The following RABGAP1L variants were observed in gnomAD, a reference collection of about 807,000 sequenced individuals.
The protein encoded by RABGAP1L is RAB GTPase activating protein 1 like.
In RABGAP1L, 63 loss-of-function variants were observed where a neutral mutation model predicts 137.7. The ratio of observed to expected loss-of-function variants is 0.46; its 90% CI spans 0.37 to 0.56. The LOEUF (loss-of-function observed/expected upper bound fraction) is 0.56. RABGAP1L is among the 20% of genes least tolerant of loss of function. The pLI, the probability that RABGAP1L is intolerant of heterozygous loss-of-function variation, is 0.00. For synonymous variants in RABGAP1L, 431 were observed against 433.7 expected (o/e 0.99, Z 0.08); for missense variants, 1,095 against 1,244.0 (o/e 0.88, Z 1.80).
intron 13 of RABGAP1L, among the ~76,000 whole-genome samples, chr1:174,432,689 C>T (rs1447070228): frequency 6.6e-6 from 1 of 152,164 alleles, no homozygotes; most frequent in Non-Finnish European, 1.5e-5. Flanking sequence ...AAGCGTGCGC[C>T]TCCATGCCCA....
At chr1:174,620,772 T>C (rs550921015) in intron 13 of RABGAP1L, among the ~76,000 whole-genome samples, 1 of 151,384 alleles carries the variant, frequency 6.6e-6, no homozygotes, top group Admixed American at 6.6e-5. Context: ...GAAGGCAAAA[T>C]ATAACTAAGA....
rs186984935 is a variant in RABGAP1L at position 174,832,583 on chromosome 1, C to T, written c.2340+20623C>T. On this transcript the variant is annotated intron_variant, in intron 19 of 25. Transcript: ENST00000681986. ...GGAACTAAGTGCTATGAGCATGTTG[C>T]AAAAGGAGATCACAGACCCAGTTCA... is the stretch of plus-strand genomic sequence containing the variant. 4.9e-4 allele frequency among the ~76,000 whole-genome samples: 73 copies of T among 147,946 alleles called. 5 individuals are homozygous for T. Among genetic ancestry groups the T allele is most frequent in the Admixed American group, 1.3e-3 (19 of 14,832 alleles).
chr1:174,522,194 A>G (rs1464541238), intron 13 of RABGAP1L, among the ~76,000 whole-genome samples: 1 of 152,178 alleles, frequency 6.6e-6, no homozygotes, highest in African/African-American at 2.4e-5. Context: ...TATTCTGTAG[A>G]GGGTAAAATA....
chr1:174,159,865 CT>C (rs1664274887), intron 1 of RABGAP1L: 2 of 152,284 alleles, frequency 1.3e-5, no homozygotes, highest in Admixed American at 6.5e-5. Flanking sequence ...CACCGCAGTT[CT>C]CCCAGGTGGC....
chr1:174,651,040 G>A (rs1394034240), intron 14 of RABGAP1L, among the ~76,000 whole-genome samples: 1 of 151,192 alleles, frequency 6.6e-6, no homozygotes, highest in Admixed American at 6.6e-5. Context: ...TTGTGTCTTT[G>A]TTCTCGTTGG....
chr1:174,919,133 C>T (rs1459193490), intron 19 of RABGAP1L, among the ~76,000 whole-genome samples: 1 of 152,098 alleles, frequency 6.6e-6, no homozygotes, highest in Non-Finnish European at 1.5e-5. Context: ...ATTCTCCCGC[C>T]TCAGCCTTCC....
intron 19 of RABGAP1L, among the ~76,000 whole-genome samples, chr1:174,925,838 G>T: frequency 7.4e-6 from 1 of 135,098 alleles, no homozygotes. Context: ...TTGTTATTTT[G>T]GTTTTTTGGG....
intron 15 of RABGAP1L, among the ~76,000 whole-genome samples, chr1:174,697,807 C>T (rs932476210): frequency 1.3e-5 from 2 of 152,054 alleles, no homozygotes; most frequent in African/African-American, 4.8e-5. Flanking sequence ...AATAACCAAA[C>T]GGAAGCTGAA....
intron 18 of RABGAP1L, among the ~76,000 whole-genome samples, chr1:174,792,241 T>C (rs1687914663): frequency 6.6e-6 from 1 of 152,212 alleles, no homozygotes; most frequent in Admixed American, 6.5e-5. Flanking sequence ...TTCATTACTT[T>C]ATTATTCTGT....
At chr1:174,636,749 T>G (rs1337305267) in intron 13 of RABGAP1L, among the ~76,000 whole-genome samples, 1 of 152,184 alleles carries the variant, frequency 6.6e-6, no homozygotes, top group Admixed American at 6.5e-5. Flanking sequence ...GGAGTATGTA[T>G]TGGAATGACA....
chr1:174,189,495 T>C (rs1370051467), intron 1 of RABGAP1L, among the ~76,000 whole-genome samples: 1 of 152,242 alleles, frequency 6.6e-6, no homozygotes, highest in Non-Finnish European at 1.5e-5. Context: ...ACCTCGCTTA[T>C]CGTTTGAATA....
At chr1:174,657,589 C>T (rs1676055468) in intron 14 of RABGAP1L, among the ~76,000 whole-genome samples, 1 of 152,010 alleles carries the variant, frequency 6.6e-6, no homozygotes. Flanking sequence ...TTTTTTGTGG[C>T]TTAAAGTATT....
intron 17 of RABGAP1L, among the ~76,000 whole-genome samples, chr1:174,710,942 C>T (rs568247460): frequency 3.3e-5 from 5 of 152,338 alleles, no homozygotes; most frequent in East Asian, 3.9e-4. Flanking sequence ...CGGGGAGGCT[C>T]AGGCTGCGCA....
In RABGAP1L at chr1:174,394,061, A is replaced by T; in HGVS notation, c.1626A>T (p.Ala542=). ...TGGTGAAGAGTGGTGTCCCTGAAGC[A>T]TTGAGGGCAGAGGTATGGCAGTTAT... is the stretch of plus-strand genomic sequence containing the variant. ...STLVKSGVPE[A]LRAEVWQLLA... The change falls in exon 13 of 26, where the codon GCA becomes GCT. Residue 542 remains alanine (A), a synonymous_variant. Coordinates refer to ENST00000681986, the MANE Select transcript of RABGAP1L (RefSeq NM_001366446.1). 1 of 1,613,880 alleles carries T rather than the reference A, an allele frequency of 6.2e-7. No individual in the cohort carries two copies. The highest frequency in any genetic ancestry group is 8.5e-7 in the Non-Finnish European group (1 of 1,179,818).
chr1:174,301,374 G>C (rs750403731), intron 10 of RABGAP1L, among the ~76,000 whole-genome samples: 1 of 149,344 alleles, frequency 6.7e-6, no homozygotes, highest in Non-Finnish European at 1.5e-5. Context: ...ATCTGGAATG[G>C]ATGGCGGTGT....
At chr1:174,196,633 C>T (rs184163247) in intron 1 of RABGAP1L, among the ~76,000 whole-genome samples, 25 of 130,336 alleles carry the variant, frequency 1.9e-4, no homozygotes, top group Admixed American at 1.1e-3. Context: ...CTGTTGTTTT[C>T]ATATTATTTT....
intron 13 of RABGAP1L, among the ~76,000 whole-genome samples, chr1:174,530,629 T>C (rs538207606): frequency 1.3e-5 from 2 of 152,332 alleles, no homozygotes; most frequent in African/African-American, 2.4e-5. Context: ...AGCCAAGCAG[T>C]CTGCCTCCCT....
At position 174,880,284 on chromosome 1, in the gene RABGAP1L, A is replaced by G. The variant is rs1653960323; in HGVS notation, c.2340+68324A>G. On this transcript the variant is annotated intron_variant, in intron 19 of 25. Coordinates refer to ENST00000681986, the MANE Select transcript of RABGAP1L (RefSeq NM_001366446.1). The stretch of plus-strand genomic sequence containing the variant: ...ATCCACGGTTGTAGATAATCTTTAA[A>G]TTTTATTTTAGTCATTGATTTTACA... 2.0e-5 allele frequency among the ~76,000 whole-genome samples: 3 copies of G among 152,232 alleles called. 1 individual carries two copies. In the South Asian group the frequency reaches 6.2e-4, roughly 32 times the overall value.
At chr1:174,575,964 G>T (rs1668344644) in intron 13 of RABGAP1L, among the ~76,000 whole-genome samples, 1 of 152,172 alleles carries the variant, frequency 6.6e-6, no homozygotes, top group Non-Finnish European at 1.5e-5. Flanking sequence ...TGGTCACGTG[G>T]GGATGAAGTA....
Sources: allele counts gnomAD v4.1 joint callset (sites outside exome capture counted in the v4.1 genomes callset), GRCh38; gene constraint gnomAD v4.1.1; transcripts MANE v1.5; gene names NCBI Gene and HGNC (gene_info 2026-07-23, HGNC 2026-07-21).